TF: variants seen among roughly 807,000 people sequenced by gnomAD.
The protein encoded by TF is serotransferrin.
Under a neutral mutation model 82.4 loss-of-function variants are expected in TF, and 55 were observed. That is an observed-to-expected ratio of 0.67 (90% CI 0.54 to 0.84). TF has a LOEUF of 0.84. Ranked by LOEUF, TF falls within the 40% of genes least tolerant of loss-of-function variation. TF has a pLI of 0.00. For synonymous variants in TF, 332 were observed against 332.6 expected, an observed-to-expected ratio of 1.00 and a Z score of 0.02; for missense variants, 737 against 868.4, an observed-to-expected ratio of 0.85 and a Z score of 1.90.
chr3:133,756,199 G>A (rs991585926), intron 5 of TF, 83 bp from the exon 6 acceptor site: 2 of 1,361,720 alleles, frequency 1.5e-6, no homozygotes, highest in Admixed American at 1.8e-5. Context: ...TAGTGTGAGT[G>A]CTGGACAGTG....
At chr3:133,671,400 A>C in the TF span, among the ~76,000 whole-genome samples, 1 of 152,310 alleles carries the variant, frequency 6.6e-6, no homozygotes, top group African/African-American at 2.4e-5. Flanking sequence ...AAGAAAAGGA[A>C]TACTTATAGG....
the TF span, among the ~76,000 whole-genome samples, chr3:133,686,448 A>C: frequency 2.6e-5 from 4 of 152,232 alleles, no homozygotes; most frequent in African/African-American, 4.8e-5. Flanking sequence ...CAATCTACCC[A>C]TCTGACAAAG....
chr3:133,769,122 G>A (rs1223979156), intron 13 of TF, among the ~76,000 whole-genome samples: 3 of 152,078 alleles, frequency 2.0e-5, no homozygotes, highest in East Asian at 1.9e-4. Flanking sequence ...TACCCATTCT[G>A]CTTTAGGCCT....
At chr3:133,722,464 T>TGGTAG in the TF span, among the ~76,000 whole-genome samples, 1 of 152,114 alleles carries the variant, frequency 6.6e-6, no homozygotes, top group African/African-American at 2.4e-5. Context: ...AATTGTTTTC[T>TGGTAG]GGTAGTTTGG....
chr3:133,765,425 A>G (rs947847085), intron 11 of TF, among the ~76,000 whole-genome samples: 1 of 152,206 alleles, frequency 6.6e-6, no homozygotes, highest in South Asian at 2.1e-4. Flanking sequence ...CTTCTCACCC[A>G]GGGCTCTGGG....
chr3:133,725,567 G>C, the TF span, among the ~76,000 whole-genome samples: 4 of 152,146 alleles, frequency 2.6e-5, no homozygotes, highest in African/African-American at 7.2e-5. Context: ...CTGAGACAAT[G>C]GGGTTTTCTA....
chr3:133,756,193 G>A, intron 5 of TF, 89 bp from the exon 6 acceptor site: 2 of 1,306,680 alleles, frequency 1.5e-6, no homozygotes, highest in South Asian at 1.2e-5. Flanking sequence ...CTATCCTAGT[G>A]TGAGTGCTGG....
At chr3:133,729,452 C>G in the TF span, among the ~76,000 whole-genome samples, 1 of 152,240 alleles carries the variant, frequency 6.6e-6, no homozygotes, top group East Asian at 1.9e-4. Context: ...GGGCGTAGGA[C>G]CCTCTGAGCC....
the TF span, among the ~76,000 whole-genome samples, chr3:133,672,460 A>T: frequency 7.6e-6 from 1 of 132,200 alleles, no homozygotes; most frequent in Non-Finnish European, 1.6e-5. Flanking sequence ...AAAAAATCCT[A>T]AAAAAAAAAA....
the TF span, among the ~76,000 whole-genome samples, chr3:133,676,824 G>C: frequency 2.4e-4 from 37 of 152,338 alleles, 1 homozygote; most frequent in Admixed American, 1.6e-3. Context: ...GGCAATGTCA[G>C]GCTCTGACCA....
upstream of TF, among the ~76,000 whole-genome samples, chr3:133,744,230 C>A (rs1241550809): frequency 6.6e-6 from 1 of 152,234 alleles, no homozygotes; most frequent in Non-Finnish European, 1.5e-5. Flanking sequence ...GGCTGGAGGA[C>A]TGGCCTCAGC....
At chr3:133,736,518 A>G in the TF span, among the ~76,000 whole-genome samples, 1 of 151,844 alleles carries the variant, frequency 6.6e-6, no homozygotes, top group African/African-American at 2.4e-5. Flanking sequence ...GGCAAATTGG[A>G]TAGAGTCAAG....
the TF span, among the ~76,000 whole-genome samples, chr3:133,717,124 C>CTA: frequency 6.6e-6 from 1 of 152,186 alleles, no homozygotes; most frequent in East Asian, 1.9e-4. Flanking sequence ...CTCTAGCTTG[C>CTA]TATATATTTT....
At chr3:133,678,615 T>C in the TF span, among the ~76,000 whole-genome samples, 1 of 152,248 alleles carries the variant, frequency 6.6e-6, no homozygotes, top group Non-Finnish European at 1.5e-5. Context: ...TGACCAGTGA[T>C]GTTGAGCTTT....
chr3:133,705,274 C>CAAAAAAAA, the TF span, among the ~76,000 whole-genome samples: 1 of 137,736 alleles, frequency 7.3e-6, no homozygotes, highest in Non-Finnish European at 1.6e-5. Flanking sequence ...AACTCCATCT[C>CAAAAAAAA]AAAAAAAAAA....
chr3:133,777,332 TTGGGATAGGACAACA>T, intron 16 of TF, 94 bp downstream of exon 16: 1 of 1,233,640 alleles, frequency 8.1e-7, no homozygotes, highest in South Asian at 1.2e-5. Context: ...GCTGTGGCCC[TTGGGATAGGACAACA>T]TGGACAAAAT....
Position 133,789,251 on chromosome 3 carries a change from T to A in TF, c.*10631T>A, listed in dbSNP as rs1437455312. On this transcript the variant is annotated 3_prime_UTR_variant, in exon 17 of 17. Transcript: ENST00000402696. ...CCCCAATATGGTTTGGATTCTGGCA[T>A]TTGCTGTTGAATGGGAAAGCGGGAT... The A allele has an allele frequency of 6.6e-6, 1 of 152,376 alleles. No homozygotes were observed. 9.4% of individuals were successfully genotyped at this position (152,376 alleles called of 1,614,324 possible). A position where few individuals can be genotyped will look rare whatever the true frequency, so the allele number is the denominator to read the frequency against.
the TF span, among the ~76,000 whole-genome samples, chr3:133,666,598 TCTC>T: frequency 6.6e-6 from 1 of 152,170 alleles, no homozygotes; most frequent in East Asian, 1.9e-4. Context: ...GCCTACTAAG[TCTC>T]CTCTAGCAAA....
At chr3:133,741,525 A>G (rs1194755622), upstream of TF, among the ~76,000 whole-genome samples, 3 of 152,230 alleles carry the variant, frequency 2.0e-5, no homozygotes, top group Non-Finnish European at 4.4e-5. Context: ...TTTATTCAGC[A>G]TGCCACATTA....
Sources: allele counts gnomAD v4.1 joint callset (sites outside exome capture counted in the v4.1 genomes callset), GRCh38; gene constraint gnomAD v4.1.1; transcripts MANE v1.5; gene names NCBI Gene and HGNC (gene_info 2026-07-23, HGNC 2026-07-21).